Variants in ASAH1 observed in about 807,000 individuals in gnomAD.
ASAH1 encodes the protein N-acylsphingosine amidohydrolase 1, also known as acid ceramidase.
ASAH1 carries 70 observed loss-of-function variants against 59.5 expected under a neutral mutation model. The ratio of observed to expected loss-of-function variants is 1.18; its 90% CI spans 0.97 to 1.43. The LOEUF (loss-of-function observed/expected upper bound fraction) is 1.43. ASAH1 is among the 40% of genes most tolerant of loss of function. ASAH1 has a pLI of 0.00. For synonymous variants in ASAH1, 213 were observed against 166.5 expected, an observed-to-expected ratio of 1.28 and a Z score of -2.15; for missense variants, 660 against 482.5, an observed-to-expected ratio of 1.37 and a Z score of -3.45.
intron 13 of ASAH1, 109 bp downstream of exon 13, chr8:18,058,726 G>A: frequency 2.0e-6 from 2 of 1,017,624 alleles, no homozygotes; most frequent in South Asian, 2.6e-5. Context: ...TCAGTCCTAA[G>A]CTGAACACAC....
upstream of ASAH1, chr8:18,084,299 A>G: frequency 1.4e-6 from 2 of 1,432,034 alleles, no homozygotes; most frequent in Non-Finnish European, 1.8e-6. Flanking sequence ...GCAGAAGGAG[A>G]GTCGCGATCG....
At chr8:18,079,385 T>C (rs935438038) in intron 1 of ASAH1, among the ~76,000 whole-genome samples, 2 of 151,796 alleles carry the variant, frequency 1.3e-5, no homozygotes, top group African/African-American at 4.8e-5. Flanking sequence ...CCTCTTTGAA[T>C]GTCCTCCCCA....
At chr8:18,078,133 A>C (rs7833836) in intron 1 of ASAH1, among the ~76,000 whole-genome samples, 73,393 of 151,936 alleles carry the variant, frequency 0.48, 18,124 homozygotes, top group Non-Finnish European at 0.53. Context: ...TGATCACTAG[A>C]ATCAACTCGG....
At chr8:18,059,787 A>C in intron 10 of ASAH1, 84 bp from the exon 11 acceptor site, 1 of 1,379,030 alleles carries the variant, frequency 7.3e-7, no homozygotes, top group Non-Finnish European at 9.9e-7. Flanking sequence ...TTTTACTTTA[A>C]GTTCTGGGAC....
intron 4 of ASAH1, 38 bp from the exon 5 acceptor site, chr8:18,067,336 A>C (rs1564543262): frequency 7.8e-7 from 1 of 1,276,204 alleles, no homozygotes. Context: ...ATTTAACATA[A>C]TAACAATAAA....
At chr8:18,063,459 G>T in intron 6 of ASAH1, 1 of 432,476 alleles carries the variant, frequency 2.3e-6, no homozygotes, top group South Asian at 3.0e-5. Context: ...ATGTGCGACC[G>T]CACCTGGCTA....
chr8:18,067,143 A>ATCTAAGACATACAGCACCTG, intron 5 of ASAH1, 77 bp downstream of exon 5: 2 of 1,321,248 alleles, frequency 1.5e-6, no homozygotes, highest in Non-Finnish European at 2.1e-6. Flanking sequence ...CCTGTGCTGT[A>ATCTAAGACATACAGCACCTG]TGTATATCAC....
At position 18,071,321 on chromosome 8, in the gene ASAH1, C is replaced by G; in HGVS notation, c.195G>C (p.Leu65Phe). The stretch of plus-strand genomic sequence containing the variant: ...ATACCACTGGTGCCTTGTCAAGCAT[C>G]AATTCATGCCATCTTTTGTAGGGTG... ...DLPPYKRWHE[L>F]MLDKAPVLKV... is the part of the protein sequence containing the mutation. Residue 65 changes from leucine to phenylalanine, a missense_variant, in exon 3 of 14, where the codon TTG (leucine) becomes TTC (phenylalanine). By Grantham distance (22) the Leu-to-Phe change is conservative (BLOSUM62 0). Coordinates refer to ENST00000637790, the MANE Select transcript of ASAH1 (RefSeq NM_177924.5). 6.3e-7 allele frequency: 1 copy of G among 1,599,058 alleles called. No individual in the cohort carries two copies. Among genetic ancestry groups the G allele is most frequent in the Non-Finnish European group, 8.6e-7 (1 of 1,168,768 alleles).
rs1169004636 is a variant in ASAH1 at position 18,075,852 on chromosome 8, G to A, written c.79-265C>T. The A allele has an allele frequency of 1.2e-5, 6 of 500,334 alleles. No individual in the cohort carries two copies. The Admixed American group carries it at 1.4e-4, about 11-fold the overall frequency. 31.0% of individuals were successfully genotyped at this position (500,334 alleles called of 1,614,324 possible). On this transcript the variant is annotated intron_variant, in intron 1 of 13. Transcript: ENST00000637790. ...TAATATTTCAAATATATTGAGTAAC[G>A]AACAAATGTAACAAAGTAGATGGAA...
At position 18,061,371 on chromosome 8, in the gene ASAH1, C is replaced by T; in HGVS notation, c.785+6G>A. On this transcript the variant is annotated splice_donor_region_variant and intron_variant, in intron 10 of 13. Transcript: ENST00000637790. ...TATTTAATAGTAAAGCAACGAAACA[C>T]TTTACCTTGTGCTATTTTCCAGAAC... 6.2e-7 allele frequency: 1 copy of T among 1,606,878 alleles called. No individual in the cohort carries two copies. The highest frequency in any genetic ancestry group is 8.5e-7 in the Non-Finnish European group (1 of 1,173,384).
At chr8:18,079,173 T>C (rs1409150518) in intron 1 of ASAH1, among the ~76,000 whole-genome samples, 2 of 150,358 alleles carry the variant, frequency 1.3e-5, no homozygotes, top group Non-Finnish European at 2.9e-5. Flanking sequence ...CTCGGAAGGC[T>C]GAGGTAGGAG....
At chr8:18,076,436 T>G (rs1267004822) in intron 1 of ASAH1, 1 of 152,200 alleles carries the variant, frequency 6.6e-6, no homozygotes, top group Non-Finnish European at 1.5e-5. Flanking sequence ...ATGAACAGAC[T>G]CTTTTAGGGG....
chr8:18,058,993 A>G, intron 12 of ASAH1, 102 bp from the exon 13 acceptor site: 1 of 1,050,334 alleles, frequency 9.5e-7, no homozygotes, highest in East Asian at 2.5e-5. Context: ...TCTTTAATCA[A>G]CCTCCCCTCC....
chr8:18,082,345 T>C (rs1401399053), intron 1 of ASAH1, among the ~76,000 whole-genome samples: 1 of 152,148 alleles, frequency 6.6e-6, no homozygotes, highest in Admixed American at 6.5e-5. Flanking sequence ...GTCCCACAGC[T>C]ATCTCTCAAT....
rs1243213163 is a variant in ASAH1, at chr8:18,061,469, T to G, written c.704-11A>C. On this transcript the variant is annotated splice_polypyrimidine_tract_variant and intron_variant, in intron 9 of 13. Coordinates refer to ENST00000637790, the MANE Select transcript of ASAH1 (RefSeq NM_177924.5). Reference sequence around the variant, plus strand: ...TCCATTCTAGAATACCTGGAAGAGATGAACACAATGTCAGGAACCGGAAGA... The same window carrying G: ...TCCATTCTAGAATACCTGGAAGAGAGGAACACAATGTCAGGAACCGGAAGA... 3 of 1,604,922 alleles carry G rather than the reference T, an allele frequency of 1.9e-6. No individual in the cohort carries two copies. The African/African-American group carries it at 4.0e-5, about 21-fold the overall frequency.
upstream of ASAH1, chr8:18,084,218 G>T: frequency 1.3e-6 from 2 of 1,505,140 alleles, no homozygotes; most frequent in African/African-American, 1.4e-5. Flanking sequence ...GGACTGGGAG[G>T]AGAGGACGGG....
At chr8:18,074,446 C>T (rs1302211173) in intron 2 of ASAH1, among the ~76,000 whole-genome samples, 3 of 152,166 alleles carry the variant, frequency 2.0e-5, no homozygotes, top group African/African-American at 4.8e-5. Context: ...TAAAATACAT[C>T]GTTTAGACAA....
chr8:18,084,638 C>T, upstream of ASAH1: 1 of 1,611,570 alleles, frequency 6.2e-7, no homozygotes, highest in Non-Finnish European at 8.5e-7. Flanking sequence ...GAGAGAGAAT[C>T]GAATCCACTC....
intron 1 of ASAH1, among the ~76,000 whole-genome samples, chr8:18,080,077 T>C (rs1251220964): frequency 6.6e-6 from 1 of 152,202 alleles, no homozygotes; most frequent in Non-Finnish European, 1.5e-5. Flanking sequence ...ATTACACCTG[T>C]GTGTTCCCTC....
Sources: allele counts gnomAD v4.1 joint callset (sites outside exome capture counted in the v4.1 genomes callset), GRCh38; gene constraint gnomAD v4.1.1; transcripts MANE v1.5; gene names NCBI Gene and HGNC (gene_info 2026-07-23, HGNC 2026-07-21).